JAK1: variants seen among roughly 807,000 people sequenced by gnomAD.
The protein encoded by JAK1 is tyrosine-protein kinase JAK1.
In JAK1, 16 loss-of-function variants were observed where a neutral mutation model predicts 136.6. The observed-to-expected ratio is 0.12, with a 90% CI of 0.08 to 0.18. JAK1 has a LOEUF of 0.18. JAK1 is among the 10% of genes least tolerant of loss of function. The pLI is 1.00. For missense variants in JAK1, 859 were observed against 1,450.1 expected (o/e 0.59, Z 6.62); for synonymous variants, 492 against 519.5 (o/e 0.95, Z 0.72).
chr1:64,952,901 C>T (rs907909378), intron 1 of JAK1, among the ~76,000 whole-genome samples: 10 of 152,188 alleles, frequency 6.6e-5, no homozygotes, highest in African/African-American at 2.4e-4. Flanking sequence ...CATTATTATC[C>T]TATTATCCTT....
intron 2 of JAK1, among the ~76,000 whole-genome samples, chr1:64,885,477 G>T (rs980385591): frequency 6.6e-6 from 1 of 152,182 alleles, no homozygotes; most frequent in African/African-American, 2.4e-5. Context: ...AAATCGGCTG[G>T]GTGTGGTGGC....
intron 1 of JAK1, among the ~76,000 whole-genome samples, chr1:65,061,279 G>C (rs1251567624): frequency 6.6e-6 from 1 of 152,098 alleles, no homozygotes; most frequent in African/African-American, 2.4e-5. Context: ...AGCAGGGCCA[G>C]TAGTCCCAGC....
intron 1 of JAK1, among the ~76,000 whole-genome samples, chr1:64,946,578 G>T (rs570198940): frequency 6.6e-6 from 1 of 152,148 alleles, no homozygotes; most frequent in African/African-American, 2.4e-5. Context: ...TTTTGAGAAG[G>T]TGTTTGTTGA....
intron 1 of JAK1, among the ~76,000 whole-genome samples, chr1:64,928,790 A>AAC (rs1553170023): frequency 1.0e-3 from 127 of 125,840 alleles, no homozygotes; most frequent in African/African-American, 4.5e-3. Context: ...AAAAAAAAAA[A>AAC]AAAAAACAAA....
At chr1:64,970,542 C>T (rs933243628), upstream of JAK1, among the ~76,000 whole-genome samples, 15 of 151,960 alleles carry the variant, frequency 9.9e-5, no homozygotes, top group African/African-American at 2.2e-4. Context: ...GATCACCTGA[C>T]GTCAGGAGTT....
intron 1 of JAK1, among the ~76,000 whole-genome samples, chr1:64,897,083 G>C (rs77625297): frequency 0.022 from 3,406 of 152,152 alleles, 55 homozygotes; most frequent in Middle Eastern, 0.058. Context: ...ATGAAAACAG[G>C]AGCTGAGTGA....
rs1296355815 is a variant in JAK1 at position 64,838,480 on chromosome 1, G to A, written c.2952C>T (p.Ala984=). The A allele has an allele frequency of 1.9e-6, 3 of 1,613,832 alleles. No individual in the cohort carries two copies. The highest frequency in any genetic ancestry group is 1.7e-5 in the Admixed American group (1 of 59,992). The change falls in exon 21 of 25, where the codon GCC becomes GCT. Residue 984 remains alanine, a synonymous_variant. Transcript: ENST00000342505. ...TATTTTTTACCTTACAAATCTGAAC[G>A]GCATATTTTAGCTGCTGTTTGAGGT... ...KINLKQQLKY[A]VQICKGMDYL... is the part of the protein sequence containing the mutation.
intron 8 of JAK1, 91 bp downstream of exon 8, chr1:64,864,696 A>C: frequency 9.6e-7 from 1 of 1,042,930 alleles, no homozygotes; most frequent in South Asian, 1.6e-5. Context: ...TTAGGACAGG[A>C]ACTCTGAAAA....
In JAK1 at chr1:64,928,910, A is replaced by G. The variant is rs183675829; in HGVS notation, c.-78+37423T>C. ...AGATTCAAATTTTATTGGAAATTTT[A>G]GCACACTGATGATGACAAATGTGTT... On this transcript the variant is annotated intron_variant, in intron 1 of 24. Transcript: ENST00000342505. 3.6e-3 allele frequency among the ~76,000 whole-genome samples: 553 copies of G among 152,092 alleles called. 4 individuals carry two copies. The highest frequency in any genetic ancestry group is 0.013 in the African/African-American group (539 of 41,502).
chr1:64,953,828 T>C (rs1646135010), intron 1 of JAK1, among the ~76,000 whole-genome samples: 1 of 151,620 alleles, frequency 6.6e-6, no homozygotes, highest in African/African-American at 2.4e-5. Context: ...CCCAGCTAAT[T>C]TCTTTTTTTC....
chr1:64,950,420 A>AAT (rs199701152), intron 1 of JAK1, among the ~76,000 whole-genome samples: 1 of 152,074 alleles, frequency 6.6e-6, no homozygotes, highest in Admixed American at 6.6e-5. Flanking sequence ...AAAAAAAAAA[A>AAT]GTCAACATTA....
chr1:64,919,917 A>C (rs1323039204), intron 1 of JAK1, among the ~76,000 whole-genome samples: 2 of 152,086 alleles, frequency 1.3e-5, no homozygotes, highest in Non-Finnish European at 2.9e-5. Context: ...AGGTCCTTCC[A>C]TCACTTAGTG....
chr1:64,941,317 A>G (rs1250240264), intron 1 of JAK1, among the ~76,000 whole-genome samples: 3 of 151,748 alleles, frequency 2.0e-5, no homozygotes, highest in Non-Finnish European at 4.4e-5. Flanking sequence ...ACATCTGGGA[A>G]AAAAAAAATT....
chr1:64,986,236 G>A (rs1646598624), intron 2 of JAK1: 3 of 360,286 alleles, frequency 8.3e-6, no homozygotes, highest in Non-Finnish European at 1.6e-5. Context: ...CTCCCAAATA[G>A]CTGGCATTAT....
chr1:64,846,808 G>A (rs975437034), intron 13 of JAK1, 72 bp from the exon 14 acceptor site: 17 of 1,210,280 alleles, frequency 1.4e-5, no homozygotes, highest in Middle Eastern at 3.8e-4. Context: ...GCTCTGTTGA[G>A]GGGAAAGCCA....
chr1:65,044,919 G>A (rs1470347010), intron 1 of JAK1, among the ~76,000 whole-genome samples: 1 of 151,146 alleles, frequency 6.6e-6, no homozygotes, highest in Non-Finnish European at 1.5e-5. Context: ...TACATTACCA[G>A]GTTGTTGGAA....
chr1:64,914,897 T>C (rs146653955), intron 1 of JAK1, among the ~76,000 whole-genome samples: 113 of 152,294 alleles, frequency 7.4e-4, no homozygotes, highest in Admixed American at 1.3e-3. Context: ...ACTATAACTA[T>C]AGTATTGCAA....
At chr1:65,065,826 T>C (rs147487153) in intron 1 of JAK1, among the ~76,000 whole-genome samples, 1 of 151,338 alleles carries the variant, frequency 6.6e-6, no homozygotes, top group East Asian at 2.0e-4. Flanking sequence ...CAGATTCCAT[T>C]AGAAGACCCA....
chr1:64,971,690 C>G (rs572378085), intron 2 of JAK1, among the ~76,000 whole-genome samples: 6 of 152,082 alleles, frequency 3.9e-5, no homozygotes, highest in Non-Finnish European at 8.8e-5. Context: ...TCCCAAGTAG[C>G]TGGGATTACA....
Sources: gnomAD v4.1 joint callset for allele counts (sites outside exome capture counted in the v4.1 genomes callset) on GRCh38, gnomAD v4.1.1 for gene constraint, MANE v1.5 for transcripts, NCBI Gene and HGNC (gene_info 2026-07-23, HGNC 2026-07-21) for gene names.